RNGTT: variants seen among roughly 807,000 people sequenced by gnomAD.
RNGTT encodes the protein mRNA-capping enzyme.
RNGTT carries 33 observed loss-of-function variants against 79.3 expected under a neutral mutation model. The ratio of observed to expected loss-of-function variants is 0.42; its 90% CI spans 0.32 to 0.56. The LOEUF (loss-of-function observed/expected upper bound fraction) is 0.56, where lower values mean the gene tolerates loss of function less well. Among genes scored for constraint, RNGTT ranks in the 20% least tolerant of loss-of-function variants. The pLI, the probability that RNGTT is intolerant of heterozygous loss-of-function variation, is 0.17. For synonymous variants in RNGTT, 222 were observed against 235.9 expected, an observed-to-expected ratio of 0.94 and a Z score of 0.54; for missense variants, 497 against 739.1, an observed-to-expected ratio of 0.67 and a Z score of 3.80.
At chr6:88,904,492 A>T (rs1043237153) in intron 6 of RNGTT, among the ~76,000 whole-genome samples, 34 of 152,074 alleles carry the variant, frequency 2.2e-4, no homozygotes, top group African/African-American at 7.2e-4. Flanking sequence ...AGGTGGGAGG[A>T]TCACTTGAGC....
intron 13 of RNGTT, among the ~76,000 whole-genome samples, chr6:88,705,224 G>A (rs911857293): frequency 1.3e-5 from 2 of 152,130 alleles, no homozygotes; most frequent in Non-Finnish European, 2.9e-5. Flanking sequence ...TCTAAGCATA[G>A]TGTGTGACAC....
intron 11 of RNGTT, among the ~76,000 whole-genome samples, chr6:88,838,838 A>G (rs531975580): frequency 6.6e-6 from 1 of 152,288 alleles, no homozygotes; most frequent in Non-Finnish European, 1.5e-5. Flanking sequence ...TGGAACATTA[A>G]TACTATCTGA....
chr6:88,809,381 C>G (rs549446941), intron 11 of RNGTT, among the ~76,000 whole-genome samples: 1 of 152,098 alleles, frequency 6.6e-6, no homozygotes, highest in South Asian at 2.1e-4. Flanking sequence ...TTACAGAACA[C>G]AAGCAGACAG....
intron 4 of RNGTT, among the ~76,000 whole-genome samples, chr6:88,911,930 T>A (rs1165550357): frequency 2.7e-5 from 4 of 148,730 alleles, no homozygotes; most frequent in Admixed American, 1.3e-4. Flanking sequence ...CTACAAAAAA[T>A]TTCAAAAAAT....
intron 12 of RNGTT, among the ~76,000 whole-genome samples, chr6:88,797,345 C>G (rs867268569): frequency 1.3e-5 from 2 of 151,924 alleles, no homozygotes; most frequent in African/African-American, 4.8e-5. Context: ...AGTATAAGGA[C>G]CAGTTTGTAC....
intron 14 of RNGTT, among the ~76,000 whole-genome samples, chr6:88,651,267 T>C (rs1289700029): frequency 1.3e-5 from 2 of 152,152 alleles, no homozygotes; most frequent in African/African-American, 4.8e-5. Flanking sequence ...TATAATAATA[T>C]ACTATATATG....
At chr6:88,885,219 A>T (rs1320876922) in intron 8 of RNGTT, among the ~76,000 whole-genome samples, 1 of 152,178 alleles carries the variant, frequency 6.6e-6, no homozygotes, top group Admixed American at 6.5e-5. Flanking sequence ...GTGCACAAAA[A>T]TTGGTTTCTA....
At chr6:88,685,939 G>A (rs1775261546) in intron 13 of RNGTT, among the ~76,000 whole-genome samples, 1 of 151,468 alleles carries the variant, frequency 6.6e-6, no homozygotes, top group East Asian at 1.9e-4. Flanking sequence ...AGAGGTCCTA[G>A]CCAGTCTATT....
intron 4 of RNGTT, among the ~76,000 whole-genome samples, chr6:88,926,811 G>A (rs1477569514): frequency 6.6e-6 from 1 of 152,172 alleles, no homozygotes; most frequent in Admixed American, 6.5e-5. Context: ...ATGAGACAAT[G>A]TGTGTGACAT....
Position 88,906,367 on chromosome 6 carries a change from C to G in RNGTT, c.441G>C (p.Trp147Cys). Residue 147 changes from tryptophan to cysteine, a missense_variant and splice_region_variant, in exon 5 of 16, where the codon TGG (tryptophan) becomes TGC (cysteine). By Grantham distance (215) the Trp-to-Cys change is radical (BLOSUM62 -2). Around this residue, in one of 3 missense-constraint regions of RNGTT, gnomAD observed 440 missense variants for 671.5 expected, o/e 0.66. Coordinates refer to ENST00000369485, the MANE Select transcript of RNGTT (RefSeq NM_003800.5). ...ICAFLVEKMD[W>C]SIEAAVATFA... ...CCATTATAACAAGATACAAATACCT[C>G]CAATCCATTTTCTCCACCAAAAAGG... The G allele has an allele frequency of 6.3e-7, 1 of 1,582,648 alleles. No homozygotes were observed. Among genetic ancestry groups the G allele is most frequent in the Non-Finnish European group, 8.6e-7 (1 of 1,161,914 alleles).
chr6:88,914,407 C>T (rs1453782816), intron 4 of RNGTT, among the ~76,000 whole-genome samples: 2 of 151,984 alleles, frequency 1.3e-5, no homozygotes, highest in African/African-American at 4.8e-5. Context: ...GCTACAGTAA[C>T]CAAAAGAGCA....
At chr6:88,852,888 T>C (rs1237936077) in intron 9 of RNGTT, among the ~76,000 whole-genome samples, 1 of 152,208 alleles carries the variant, frequency 6.6e-6, no homozygotes, top group East Asian at 1.9e-4. Flanking sequence ...TTATGGTCTC[T>C]ATATACACAA....
chr6:88,626,266 G>A lies in RNGTT; in HGVS notation c.1507-11871C>T, dbSNP rs183329728. 3.3e-3 allele frequency among the ~76,000 whole-genome samples: 504 copies of A among 152,078 alleles called. 14 individuals carry two copies. The highest frequency in any genetic ancestry group is 7.8e-4 in the Non-Finnish European group (53 of 67,876). Reference sequence around the variant, plus strand: ...TTTAAGTAATTTGCATGAGGATACAGAGCTGATTTGTTTTATTAACAAAAT... The same window carrying A: ...TTTAAGTAATTTGCATGAGGATACAAAGCTGATTTGTTTTATTAACAAAAT... On this transcript the variant is annotated intron_variant, in intron 14 of 15. Transcript: ENST00000369485.
At chr6:88,748,654 G>A (rs1777744234) in intron 13 of RNGTT, among the ~76,000 whole-genome samples, 2 of 152,072 alleles carry the variant, frequency 1.3e-5, no homozygotes, top group South Asian at 4.2e-4. Context: ...CCATGAATCA[G>A]GGATCTGATT....
At position 88,826,658 on chromosome 6, in the gene RNGTT, C is replaced by T. The variant is rs139820949; in HGVS notation, c.1269+17699G>A. Among the ~76,000 whole-genome samples the T allele has an allele frequency of 2.2e-3, 337 of 151,520 alleles. 3 individuals are homozygous for T. The highest frequency in any genetic ancestry group is 8.0e-3 in the African/African-American group (331 of 41,322). On this transcript the variant is annotated intron_variant, in intron 11 of 15. Coordinates refer to ENST00000369485, the MANE Select transcript of RNGTT (RefSeq NM_003800.5). ...ATTAGCCAGGCATGGTGGCACATGC[C>T]TGTAATCTCAACTACTTGGGAGGCT...
chr6:88,732,906 A>G (rs1777161762), intron 13 of RNGTT, among the ~76,000 whole-genome samples: 1 of 152,204 alleles, frequency 6.6e-6, no homozygotes, highest in African/African-American at 2.4e-5. Flanking sequence ...ATGTATTTAT[A>G]CTACTACTGA....
intron 8 of RNGTT, among the ~76,000 whole-genome samples, chr6:88,859,084 T>C (rs757161876): frequency 6.6e-6 from 1 of 151,842 alleles, no homozygotes; most frequent in Non-Finnish European, 1.5e-5. Context: ...CTCAAACTCC[T>C]GGGCTCAAGC....
intron 14 of RNGTT, among the ~76,000 whole-genome samples, chr6:88,652,344 T>C (rs766797975): frequency 6.6e-6 from 1 of 152,200 alleles, no homozygotes; most frequent in Non-Finnish European, 1.5e-5. Flanking sequence ...AACTTGTCAT[T>C]TTATTTATAG....
intron 12 of RNGTT, among the ~76,000 whole-genome samples, chr6:88,791,978 C>T (rs1432224778): frequency 4.6e-5 from 7 of 151,982 alleles, no homozygotes; most frequent in South Asian, 2.1e-4. Flanking sequence ...TTCGAGAAAA[C>T]GGTATTGCTT....
Sources: allele counts gnomAD v4.1 joint callset (sites outside exome capture counted in the v4.1 genomes callset), GRCh38; gene constraint gnomAD v4.1.1; regional missense constraint gnomAD v4.1.1; transcripts MANE v1.5; gene names NCBI Gene and HGNC (gene_info 2026-07-23, HGNC 2026-07-21).